Variants in ADK observed in about 807,000 individuals in gnomAD.
ADK encodes the protein N6,N6-dimethyladenosine kinase.
A neutral mutation model predicts 44.7 loss-of-function variants in ADK; 24 were observed. That is an observed-to-expected ratio of 0.54 (90% CI 0.39 to 0.76). The LOEUF (loss-of-function observed/expected upper bound fraction) is 0.76. Ranked by LOEUF, ADK falls within the 30% of genes least tolerant of loss-of-function variation. The pLI, the probability that ADK is intolerant of heterozygous loss-of-function variation, is 0.00. For synonymous variants in ADK, 128 were observed against 142.6 expected, an observed-to-expected ratio of 0.90 and a Z score of 0.73; for missense variants, 321 against 425.1, an observed-to-expected ratio of 0.76 and a Z score of 2.15.
intron 9 of ADK, among the ~76,000 whole-genome samples, chr10:74,626,271 A>G (rs973654816): frequency 6.6e-5 from 10 of 151,966 alleles, no homozygotes; most frequent in Non-Finnish European, 1.3e-4. Flanking sequence ...AATTTAGAAC[A>G]GTAGAAATAT....
chr10:74,420,034 C>T (rs982466544), intron 6 of ADK, among the ~76,000 whole-genome samples: 5 of 152,272 alleles, frequency 3.3e-5, no homozygotes, highest in East Asian at 1.9e-4. Flanking sequence ...ACCCCAGACA[C>T]TGCCACCAGG....
At chr10:74,198,729 C>T (rs1310680951) in intron 1 of ADK, among the ~76,000 whole-genome samples, 2 of 152,176 alleles carry the variant, frequency 1.3e-5, no homozygotes, top group South Asian at 2.1e-4. Context: ...TAAGGCATCA[C>T]TTGTGGTGGA....
chr10:74,693,631 C>G (rs184334853), intron 10 of ADK, among the ~76,000 whole-genome samples: 1 of 152,208 alleles, frequency 6.6e-6, no homozygotes, highest in Admixed American at 6.5e-5. Flanking sequence ...TCAAAAGATG[C>G]GTACTGATTT....
intron 3 of ADK, among the ~76,000 whole-genome samples, chr10:74,233,941 A>G (rs1430235977): frequency 6.6e-6 from 1 of 152,232 alleles, no homozygotes; most frequent in Non-Finnish European, 1.5e-5. Context: ...CTTAACTGCA[A>G]TTTACTTGAC....
In ADK at chr10:74,243,235, C is replaced by T. The variant is rs1294672667; in HGVS notation, c.194+18644C>T. Among the ~76,000 whole-genome samples the T allele has an allele frequency of 9.9e-5, 15 of 152,284 alleles. No homozygotes were observed. In the East Asian group the frequency reaches 1.9e-3, roughly 20 times the overall value. Reference sequence around the variant, plus strand: ...GTGCTGCTGTGGGACCTGCATGGAGCTTTCTCTCGCTGGCTCCTGGAGCAG... The same window carrying T: ...GTGCTGCTGTGGGACCTGCATGGAGTTTTCTCTCGCTGGCTCCTGGAGCAG... On this transcript the variant is annotated intron_variant, in intron 3 of 10. Coordinates refer to ENST00000539909, the MANE Select transcript of ADK (RefSeq NM_006721.4).
intron 3 of ADK, among the ~76,000 whole-genome samples, chr10:74,300,956 A>G (rs1002532859): frequency 8.5e-5 from 13 of 152,322 alleles, no homozygotes; most frequent in Middle Eastern, 3.4e-3. Flanking sequence ...TAACACTGCA[A>G]TCACGGAGCT....
chr10:74,627,543 C>T (rs1211945590), intron 9 of ADK, among the ~76,000 whole-genome samples: 1 of 149,212 alleles, frequency 6.7e-6, no homozygotes, highest in Non-Finnish European at 1.5e-5. Flanking sequence ...CATTGCTCTA[C>T]AGATTTATTT....
At chr10:74,362,876 G>C (rs1904065) in intron 4 of ADK, among the ~76,000 whole-genome samples, 98,854 of 152,114 alleles carry the variant, frequency 0.65, 33,359 homozygotes, top group Middle Eastern at 0.8. Flanking sequence ...AAGGGAGGTA[G>C]TTGGGCTGCC....
chr10:74,373,088 A>G (rs182317072), intron 4 of ADK, among the ~76,000 whole-genome samples: 172 of 152,152 alleles, frequency 1.1e-3, no homozygotes, highest in African/African-American at 3.8e-3. Context: ...AGTCTTTTCA[A>G]TGAAGGGTAC....
chr10:74,380,991 TGTAA>T (rs1452341286), intron 4 of ADK, among the ~76,000 whole-genome samples: 3 of 152,264 alleles, frequency 2.0e-5, no homozygotes, highest in Admixed American at 1.3e-4. Context: ...AGTTTACTAC[TGTAA>T]GTGTTTAAGA....
chr10:74,682,925 C>T (rs980503901), intron 10 of ADK, among the ~76,000 whole-genome samples: 1 of 152,148 alleles, frequency 6.6e-6, no homozygotes, highest in Non-Finnish European at 1.5e-5. Flanking sequence ...CTGGCAGGCA[C>T]AGTAGCTTTT....
chr10:74,607,733 A>G (rs1014897365), intron 9 of ADK, among the ~76,000 whole-genome samples: 1 of 152,094 alleles, frequency 6.6e-6, no homozygotes, highest in South Asian at 2.1e-4. Context: ...CTCAAGGAGT[A>G]TCTTTGTGGT....
At chr10:74,184,522 T>C (rs937643185) in intron 1 of ADK, among the ~76,000 whole-genome samples, 10 of 145,404 alleles carry the variant, frequency 6.9e-5, no homozygotes, top group African/African-American at 2.5e-4. Flanking sequence ...TGTGTGTGTG[T>C]GTGTGTGTGT....
At chr10:74,695,627 T>G (rs1436726322) in intron 10 of ADK, among the ~76,000 whole-genome samples, 22 of 141,906 alleles carry the variant, frequency 1.6e-4, no homozygotes, top group African/African-American at 3.7e-4. Context: ...GGGGTGTGTG[T>G]GTGTGTGTGT....
chr10:74,374,745 GT>G (rs1842768016), intron 4 of ADK, among the ~76,000 whole-genome samples: 1 of 151,986 alleles, frequency 6.6e-6, no homozygotes, highest in Non-Finnish European at 1.5e-5. Context: ...GTCTCTCTGT[GT>G]TTTTTGTGTG....
intron 3 of ADK, among the ~76,000 whole-genome samples, chr10:74,294,178 A>T (rs928911622): frequency 6.6e-6 from 1 of 152,090 alleles, no homozygotes; most frequent in Non-Finnish European, 1.5e-5. Flanking sequence ...TCTACTGTTG[A>T]TGATGAATAT....
intron 3 of ADK, among the ~76,000 whole-genome samples, chr10:74,248,595 T>A (rs1489797143): frequency 6.6e-6 from 1 of 152,096 alleles, no homozygotes; most frequent in Non-Finnish European, 1.5e-5. Context: ...ACCTCATGAT[T>A]TGCCTGCCTT....
chr10:74,278,369 A>T (rs1272218582), intron 3 of ADK, among the ~76,000 whole-genome samples: 2 of 112,378 alleles, frequency 1.8e-5, no homozygotes, highest in African/African-American at 3.5e-5. Flanking sequence ...AAAAAATTAA[A>T]AAAAAAAAAA....
intron 9 of ADK, among the ~76,000 whole-genome samples, chr10:74,613,027 A>G (rs1258648540): frequency 1.3e-5 from 2 of 152,026 alleles, no homozygotes; most frequent in Non-Finnish European, 2.9e-5. Flanking sequence ...TTTGGTTACT[A>G]TACCCTAGTA....
Sources: allele counts gnomAD v4.1 joint callset (sites outside exome capture counted in the v4.1 genomes callset), GRCh38; gene constraint gnomAD v4.1.1; transcripts MANE v1.5; gene names NCBI Gene and HGNC (gene_info 2026-07-23, HGNC 2026-07-21).